Variants in SPINK5 observed in about 807,000 individuals in gnomAD.
The protein encoded by SPINK5 is serine peptidase inhibitor Kazal type 5, also known as serine protease inhibitor Kazal-type 5.
SPINK5 carries 125 observed loss-of-function variants against 151.8 expected under a neutral mutation model. The ratio of observed to expected loss-of-function variants is 0.82; its 90% CI spans 0.71 to 0.96. The LOEUF is 0.96. Ranked by LOEUF, SPINK5 falls within the 40% of genes least tolerant of loss-of-function variation. SPINK5 has a pLI of 0.00. For synonymous variants in SPINK5, 374 were observed against 395.3 expected (o/e 0.95, Z 0.64); for missense variants, 1,194 against 1,291.9 (o/e 0.92, Z 1.16).
intron 12 of SPINK5, among the ~76,000 whole-genome samples, chr5:148,100,038 C>A (rs1019254120): frequency 6.6e-6 from 1 of 152,134 alleles, no homozygotes; most frequent in South Asian, 2.1e-4. Flanking sequence ...TTTTCATAAA[C>A]CTGTGTGCGT....
chr5:148,085,338 G>C, intron 4 of SPINK5, among the ~76,000 whole-genome samples: 1 of 151,684 alleles, frequency 6.6e-6, no homozygotes, highest in East Asian at 2.0e-4. Flanking sequence ...TCTTTATTTT[G>C]ACAATGATAA....
intron 28 of SPINK5, chr5:148,125,072 T>C (rs1754396667): frequency 7.6e-6 from 4 of 524,252 alleles, no homozygotes; most frequent in Non-Finnish European, 1.2e-5. Flanking sequence ...TGTTTTAGTC[T>C]TTCCTCCTTG....
chr5:148,096,263 A>G (rs1438073561), intron 10 of SPINK5, among the ~76,000 whole-genome samples: 10 of 151,992 alleles, frequency 6.6e-5, no homozygotes, highest in Non-Finnish European at 1.5e-5. Context: ...AACAATATCA[A>G]TGTTGAATTT....
chr5:148,106,997 T>A (rs1355904983), intron 16 of SPINK5, 40 bp from the exon 17 acceptor site: 5 of 1,605,620 alleles, frequency 3.1e-6, no homozygotes, highest in Non-Finnish European at 4.3e-6. Flanking sequence ...GCAGGAAGGA[T>A]AGAAAACTAC....
At chr5:148,077,278 C>T (rs186276276) in intron 4 of SPINK5, among the ~76,000 whole-genome samples, 1 of 150,086 alleles carries the variant, frequency 6.7e-6, no homozygotes, top group East Asian at 2.0e-4. Flanking sequence ...TAAAAGCTGG[C>T]CCCTCATCTA....
At chr5:148,122,094 A>G (rs1445543714) in intron 26 of SPINK5, among the ~76,000 whole-genome samples, 1 of 152,076 alleles carries the variant, frequency 6.6e-6, no homozygotes, top group East Asian at 1.9e-4. Context: ...TTATATTTAA[A>G]CCTCCCCAAA....
intron 10 of SPINK5, 30 bp downstream of exon 10, chr5:148,095,935 A>G: frequency 6.5e-7 from 1 of 1,548,386 alleles, no homozygotes; most frequent in Non-Finnish European, 8.8e-7. Context: ...ATCTAGTTAC[A>G]ACTTGTGTGT....
chr5:148,072,536 C>G (rs1468601965), intron 4 of SPINK5, among the ~76,000 whole-genome samples: 1 of 151,934 alleles, frequency 6.6e-6, no homozygotes, highest in Non-Finnish European at 1.5e-5. Flanking sequence ...GAAGAGCTTT[C>G]CTGGGACTGT....
rs187995460 is a variant in SPINK5, at chr5:148,079,875, C to A, written c.283-6530C>A. ...AAAGGGTGGTTTACTGTCACCACTC[C>A]TATTCAACATTGTACTGGAGGTTCT... is the stretch of plus-strand genomic sequence containing the variant. On this transcript the variant is annotated intron_variant, in intron 4 of 32. Coordinates refer to ENST00000256084, the MANE Select transcript of SPINK5 (RefSeq NM_006846.4). Among the ~76,000 whole-genome samples, 144 of 151,056 alleles carry A rather than the reference C, an allele frequency of 9.5e-4. 1 individual carries two copies. Among genetic ancestry groups the A allele is most frequent in the Non-Finnish European group, 1.8e-3 (123 of 67,312 alleles).
rs139007481 is a variant in SPINK5 at position 148,133,633 on chromosome 5, G to A, written c.3096-164G>A. Among the ~76,000 whole-genome samples, 401 of 152,252 alleles carry A rather than the reference G, an allele frequency of 2.6e-3. 1 individual carries two copies. Among genetic ancestry groups the A allele is most frequent in the Non-Finnish European group, 2.7e-3 (181 of 68,024 alleles). ...TCTGGAGCAGAAGAGAGACAGCCTGGATGATACCTACTGAAAATGAAAGTA... is the reference window on the plus strand; with the variant it reads ...TCTGGAGCAGAAGAGAGACAGCCTGAATGATACCTACTGAAAATGAAAGTA... On this transcript the variant is annotated intron_variant, in intron 31 of 32. Transcript: ENST00000256084.
At chr5:148,113,401 T>G (rs950774526) in intron 20 of SPINK5, among the ~76,000 whole-genome samples, 1 of 152,182 alleles carries the variant, frequency 6.6e-6, no homozygotes, top group African/African-American at 2.4e-5. Flanking sequence ...TCTGGAACAA[T>G]AGAATTCAAT....
chr5:148,070,213 TTG>T (rs2127189268), intron 2 of SPINK5, 108 bp from the exon 3 acceptor site: 1 of 1,301,832 alleles, frequency 7.7e-7, no homozygotes, highest in Non-Finnish European at 1.1e-6. Flanking sequence ...AACCTTGGAA[TTG>T]TGTGTGTATA....
chr5:148,112,355 G>A (rs10063154), intron 19 of SPINK5, among the ~76,000 whole-genome samples: 6,089 of 152,238 alleles, frequency 0.04, 415 homozygotes, highest in African/African-American at 0.14. Context: ...GCTATGGCAT[G>A]TGCGTCTTAT....
chr5:148,137,002 G>C lies in SPINK5; in HGVS notation c.*11G>C. On this transcript the variant is annotated 3_prime_UTR_variant, in exon 33 of 33. Transcript: ENST00000256084. Reference sequence around the variant, plus strand: ...TTCTAGGACGAATGACAGGAAGATTGTTGAAAGCCATGAGGGAAAAAATAA... The same window carrying C: ...TTCTAGGACGAATGACAGGAAGATTCTTGAAAGCCATGAGGGAAAAAATAA... 6.2e-7 allele frequency: 1 copy of C among 1,613,624 alleles called. No individual in the cohort carries two copies.
Position 148,089,560 on chromosome 5 carries a change from C to T in SPINK5, c.541C>T (p.Pro181Ser). The T allele has an allele frequency of 6.2e-7, 1 of 1,612,138 alleles. No homozygotes were observed. The highest frequency in any genetic ancestry group is 1.7e-5 in the Admixed American group (1 of 59,856). The change falls in exon 7 of 33, where the codon CCT becomes TCT. Residue 181 changes from proline (P) to serine (S), a missense_variant. Transcript: ENST00000256084. ...GRLGCTREND[P>S]VLGPDGKTHG... is the part of the protein sequence containing the mutation. The stretch of plus-strand genomic sequence containing the variant: ...ACTTGGATGCACAAGGGAAAATGAT[C>T]CTGTTCTTGGTCCTGATGGGAAGAC...
At chr5:148,133,930 G>T in intron 32 of SPINK5, 43 bp downstream of exon 32, 1 of 1,598,148 alleles carries the variant, frequency 6.3e-7, no homozygotes, top group African/African-American at 1.3e-5. Context: ...ACGTTGTGAG[G>T]AGCACTGGGT....
At chr5:148,123,189 A>C (rs1026060707) in intron 26 of SPINK5, among the ~76,000 whole-genome samples, 5 of 151,390 alleles carry the variant, frequency 3.3e-5, no homozygotes, top group Non-Finnish European at 5.9e-5. Context: ...GTCTCTACAA[A>C]AAATTTTAAA....
At chr5:148,101,104 G>C (rs1753630391) in intron 13 of SPINK5, among the ~76,000 whole-genome samples, 1 of 118,226 alleles carries the variant, frequency 8.5e-6, no homozygotes, top group African/African-American at 2.6e-5. Flanking sequence ...TAAATCCCAA[G>C]TCTGTACTTA....
chr5:148,080,343 C>A (rs1280648268), intron 4 of SPINK5, among the ~76,000 whole-genome samples: 1 of 151,254 alleles, frequency 6.6e-6, no homozygotes, highest in Non-Finnish European at 1.5e-5. Context: ...AACATATTCC[C>A]AATCAAAATC....
Sources: allele counts gnomAD v4.1 joint callset (sites outside exome capture counted in the v4.1 genomes callset), GRCh38; gene constraint gnomAD v4.1.1; transcripts MANE v1.5; gene names NCBI Gene and HGNC (gene_info 2026-07-23, HGNC 2026-07-21).